AKAP13: variants seen among roughly 807,000 people sequenced by gnomAD.
AKAP13 encodes the protein A-kinase anchor protein 13.
AKAP13 carries 80 observed loss-of-function variants against 264.5 expected under a neutral mutation model. The ratio of observed to expected loss-of-function variants is 0.30; its 90% CI spans 0.25 to 0.36. AKAP13 has a LOEUF of 0.36. Ranked by LOEUF, AKAP13 falls within the 10% of genes least tolerant of loss-of-function variation. The pLI is 1.00. For missense variants in AKAP13, 3,712 were observed against 3,435.2 expected (o/e 1.08, Z -2.01); for synonymous variants, 1,380 against 1,250.2 (o/e 1.10, Z -2.19).
At chr15:85,439,898 G>A (rs1440604766) in intron 1 of AKAP13, among the ~76,000 whole-genome samples, 5 of 150,718 alleles carry the variant, frequency 3.3e-5, no homozygotes, top group East Asian at 3.9e-4. Flanking sequence ...TGCAGCGCAC[G>A]AGCATGGCAC....
chr15:85,489,673 T>G (rs1396396766), intron 2 of AKAP13, among the ~76,000 whole-genome samples: 1 of 152,220 alleles, frequency 6.6e-6, no homozygotes, highest in African/African-American at 2.4e-5. Context: ...GGAAAAACAC[T>G]GTACCCGGAG....
At chr15:85,587,557 T>C (rs938882390) in intron 8 of AKAP13, among the ~76,000 whole-genome samples, 5 of 152,240 alleles carry the variant, frequency 3.3e-5, no homozygotes, top group African/African-American at 9.6e-5. Flanking sequence ...CTGGGTCATA[T>C]GGTAATTTCC....
Position 85,735,043 on chromosome 15 carries a change from C to T in AKAP13, c.7334C>T (p.Pro2445Leu), listed in dbSNP as rs773309786. 1.4e-5 allele frequency: 23 copies of T among 1,614,152 alleles called. No individual in the cohort carries two copies. Among genetic ancestry groups the T allele is most frequent in the Middle Eastern group, 3.3e-4 (2 of 6,062 alleles). The part of the protein sequence containing the change: ...VSGNLGGTLG[P>L]TVSSPIEQDV... ...GGAAATCTGGGAGGCACACTTGGGC[C>T]GACTGTCAGCAGCCCCATTGAGCAA... The change falls in exon 31 of 37, where the codon CCG (proline) becomes CTG (leucine). Residue 2445 changes from proline to leucine, a missense_variant. This residue lies in a region of AKAP13 where 611 missense variants were observed against 539.3 expected (regional missense o/e 1.13). Coordinates refer to ENST00000394518, the MANE Select transcript of AKAP13 (RefSeq NM_007200.5).
Position 85,472,255 on chromosome 15 carries a change from C to T in AKAP13, c.-11-13455C>T, listed in dbSNP as rs541268328. On this transcript the variant is annotated intron_variant, in intron 1 of 36. Transcript: ENST00000394518. The stretch of plus-strand genomic sequence containing the variant: ...GGTGCAGTGGTGCCCACCTGTAGTC[C>T]CAAGTACTCGGGAGGCTGAGGCAGG... Among the ~76,000 whole-genome samples the T allele has an allele frequency of 6.6e-5, 10 of 151,120 alleles. No individual in the cohort carries two copies. In the East Asian group the frequency reaches 1.9e-3, roughly 29 times the overall value.
Position 85,722,342 on chromosome 15 carries a change from C to A in AKAP13, c.6491C>A (p.Thr2164Asn). ...PVLFQRILQCTKDNEVEQEDL... is the reference protein window; with the variant it reads ...PVLFQRILQCNKDNEVEQEDL... ...TTATTCCAAAGAATATTGCAGTGTA[C>A]CAAAGGTAAGTCTCCTTTCTAACTC... Residue 2164 changes from threonine (T) to asparagine (N), a missense_variant, in exon 25 of 37, where the codon ACC becomes AAC. Physicochemically the swap from Thr to Asn is moderately conservative, Grantham distance 65. Transcript: ENST00000394518. 1 of 1,607,550 alleles carries A rather than the reference C, an allele frequency of 6.2e-7. No individual in the cohort carries two copies. The highest frequency in any genetic ancestry group is 8.5e-7 in the Non-Finnish European group (1 of 1,176,836).
chr15:85,430,412 T>C (rs760741258), intron 1 of AKAP13, among the ~76,000 whole-genome samples: 1 of 152,240 alleles, frequency 6.6e-6, no homozygotes, highest in South Asian at 2.1e-4. Context: ...CACTGTTAGC[T>C]GAATAGAAAT....
intron 8 of AKAP13, among the ~76,000 whole-genome samples, chr15:85,589,088 C>G (rs1203484574): frequency 6.6e-6 from 1 of 152,274 alleles, no homozygotes; most frequent in East Asian, 1.9e-4. Context: ...CTTAACTCTT[C>G]TCCGTGGTGC....
chr15:85,610,504 G>GTAA (rs2080558090), intron 8 of AKAP13, among the ~76,000 whole-genome samples: 1 of 152,274 alleles, frequency 6.6e-6, no homozygotes, highest in South Asian at 2.1e-4. Flanking sequence ...TCACTTCTTG[G>GTAA]TAATGGTCCC....
At position 85,499,072 on chromosome 15, in the gene AKAP13, A is replaced by G. The variant is rs74318809; in HGVS notation, c.33+13319A>G. 1.9e-3 allele frequency among the ~76,000 whole-genome samples: 292 copies of G among 152,318 alleles called. 3 individuals are homozygous for G. Among genetic ancestry groups the G allele is most frequent in the East Asian group, 0.01 (54 of 5,190 alleles). On this transcript the variant is annotated intron_variant, in intron 2 of 36. Coordinates refer to ENST00000394518, the MANE Select transcript of AKAP13 (RefSeq NM_007200.5). ...CCATCAGCAGTGGTTGCCTGTAAAGATGCATGGGAAAGTGTATATATTAAG... is the reference window on the plus strand; with the variant it reads ...CCATCAGCAGTGGTTGCCTGTAAAGGTGCATGGGAAAGTGTATATATTAAG...
chr15:85,520,612 G>C (rs1388663997), intron 2 of AKAP13: 4 of 517,414 alleles, frequency 7.7e-6, no homozygotes, highest in African/African-American at 1.9e-5. Context: ...GATTTTATGG[G>C]ATTAATGTAG....
At chr15:85,602,777 T>G (rs535883923) in intron 8 of AKAP13, among the ~76,000 whole-genome samples, 2 of 152,218 alleles carry the variant, frequency 1.3e-5, no homozygotes, top group Non-Finnish European at 2.9e-5. Context: ...CGTGAGCCAC[T>G]GCACCCAGCC....
In AKAP13 at chr15:85,743,456, C is replaced by T. The variant is rs762480608; in HGVS notation, c.8059-36C>T. 5 of 1,590,540 alleles carry T rather than the reference C, an allele frequency of 3.1e-6. No homozygotes were observed. In the South Asian group the frequency reaches 4.5e-5, roughly 14 times the overall value. On this transcript the variant is annotated intron_variant, in intron 35 of 36. Coordinates refer to ENST00000394518, the MANE Select transcript of AKAP13 (RefSeq NM_007200.5). Reference sequence around the variant, plus strand: ...GAGTTGGCATCACGGACGCTGACAGCCTCCAAGTGAAAACCCTTCTCTTGA... The same window carrying T: ...GAGTTGGCATCACGGACGCTGACAGTCTCCAAGTGAAAACCCTTCTCTTGA...
intron 2 of AKAP13, among the ~76,000 whole-genome samples, chr15:85,490,000 C>G (rs1315469791): frequency 1.2e-4 from 18 of 152,180 alleles, no homozygotes. Context: ...GTTAGGCAAG[C>G]TAGTTACATC....
intron 16 of AKAP13, among the ~76,000 whole-genome samples, chr15:85,689,040 C>G (rs778491697): frequency 1.1e-4 from 16 of 152,192 alleles, no homozygotes; most frequent in African/African-American, 3.1e-4. Context: ...TTCTAAACCA[C>G]AGTTACTTTT....
intron 2 of AKAP13, among the ~76,000 whole-genome samples, chr15:85,496,716 T>C (rs1254178230): frequency 6.6e-6 from 1 of 152,238 alleles, no homozygotes; most frequent in East Asian, 1.9e-4. Context: ...CAAAGAGCCT[T>C]ATCAGCCTCC....
chr15:85,661,511 G>T (rs939888413), intron 12 of AKAP13, among the ~76,000 whole-genome samples: 1 of 152,062 alleles, frequency 6.6e-6, no homozygotes, highest in Non-Finnish European at 1.5e-5. Context: ...TTGAGGTCAG[G>T]AGTTTGAGAC....
chr15:85,680,508 G>A (rs1057427121), intron 14 of AKAP13, among the ~76,000 whole-genome samples: 2 of 152,156 alleles, frequency 1.3e-5, no homozygotes, highest in African/African-American at 4.8e-5. Context: ...AAATACGGAA[G>A]GCAATCTTTT....
intron 35 of AKAP13, among the ~76,000 whole-genome samples, chr15:85,742,044 C>T (rs1405646481): frequency 2.0e-5 from 3 of 152,150 alleles, no homozygotes; most frequent in Non-Finnish European, 4.4e-5. Flanking sequence ...CAAAAAAACA[C>T]ACACAGAAAA....
chr15:85,491,230 A>T (rs1222808785), intron 2 of AKAP13, among the ~76,000 whole-genome samples: 1 of 152,016 alleles, frequency 6.6e-6, no homozygotes, highest in African/African-American at 2.4e-5. Context: ...ACCCTACTAC[A>T]GCTCCTATCC....
Sources: allele counts gnomAD v4.1 joint callset (sites outside exome capture counted in the v4.1 genomes callset), GRCh38; gene constraint gnomAD v4.1.1; regional missense constraint gnomAD v4.1.1; transcripts MANE v1.5; gene names NCBI Gene and HGNC (gene_info 2026-07-23, HGNC 2026-07-21).